The following DLGAP3 variants were observed in gnomAD, a reference collection of about 807,000 sequenced individuals.
The protein encoded by DLGAP3 is disks large-associated protein 3.
A neutral mutation model predicts 81.2 loss-of-function variants in DLGAP3; 17 were observed. That is an observed-to-expected ratio of 0.21 (90% CI 0.14 to 0.31). DLGAP3 has a LOEUF of 0.31. Ranked by LOEUF, DLGAP3 falls within the 10% of genes least tolerant of loss-of-function variation. DLGAP3 has a pLI of 1.00. For missense variants in DLGAP3, 1,124 were observed against 1,388.0 expected, an observed-to-expected ratio of 0.81 and a Z score of 3.02; for synonymous variants, 577 against 587.4, an observed-to-expected ratio of 0.98 and a Z score of 0.26.
At position 34,904,341 on chromosome 1, in the gene DLGAP3, C is replaced by A. The variant is rs763551042; in HGVS notation, c.1043G>T (p.Gly348Val). The A allele has an allele frequency of 2.7e-5, 43 of 1,611,816 alleles. No individual in the cohort carries two copies. In the South Asian group the frequency reaches 4.5e-4, roughly 17 times the overall value. The change falls in exon 3 of 12, where the codon GGG becomes GTG. Residue 348 changes from glycine (G) to valine (V), a missense_variant. By Grantham distance (109) the Gly-to-Val change is moderately radical. This residue lies in a region of DLGAP3 where 357 missense variants were observed against 408.8 expected (regional missense o/e 0.87). Coordinates refer to ENST00000373347, the MANE Select transcript of DLGAP3 (RefSeq NM_001080418.3). The surrounding 1 kb of genome is among the most constrained non-coding windows in gnomAD (Gnocchi z 8.1). ...CGGACCCAGGAGCCCCTTGCCTGGCCCGGCCCCCGGGTATCCATCCCGGCC... is the reference window on the plus strand; with the variant it reads ...CGGACCCAGGAGCCCCTTGCCTGGCACGGCCCCCGGGTATCCATCCCGGCC... ...SQGRDGYPGA[G>V]PGKGLLGPET...
chr1:34,888,316 C>G (rs899041172), intron 5 of DLGAP3, among the ~76,000 whole-genome samples: 17 of 152,232 alleles, frequency 1.1e-4, no homozygotes, highest in African/African-American at 4.1e-4. Context: ...CAAACAAGAC[C>G]CAGAGAGGGC....
chr1:34,878,475 A>C (rs1408710643), intron 8 of DLGAP3, among the ~76,000 whole-genome samples: 1 of 152,142 alleles, frequency 6.6e-6, no homozygotes, highest in African/African-American at 2.4e-5. Flanking sequence ...GCCATTAGTA[A>C]GGATGAAAAG....
At chr1:34,869,636 T>G (rs1265538752) in intron 8 of DLGAP3, among the ~76,000 whole-genome samples, 2 of 152,026 alleles carry the variant, frequency 1.3e-5, no homozygotes, top group Non-Finnish European at 2.9e-5. Flanking sequence ...ATTACAGGCA[T>G]GCGCCTTTTG....
rs569933754 is a variant in DLGAP3 at position 34,878,318 on chromosome 1, T to C, written c.2000+6660A>G. ...AAGACTCATCTCAAAAAAATAAAAA[T>C]AAAAATAAAAAAATAAGCAACACAT... On this transcript the variant is annotated intron_variant, in intron 8 of 11. Coordinates refer to ENST00000373347, the MANE Select transcript of DLGAP3 (RefSeq NM_001080418.3). 3.3e-5 allele frequency among the ~76,000 whole-genome samples: 5 copies of C among 150,704 alleles called. No individual in the cohort carries two copies. In the South Asian group the frequency reaches 8.4e-4, roughly 25 times the overall value.
intron 1 of DLGAP3, among the ~76,000 whole-genome samples, chr1:34,919,209 G>A (rs1222499492): frequency 6.6e-6 from 1 of 152,022 alleles, no homozygotes; most frequent in East Asian, 1.9e-4. Context: ...CTGGCCTCTC[G>A]ACCCAGCCCC....
chr1:34,884,632 A>T (rs1282807477), intron 8 of DLGAP3, among the ~76,000 whole-genome samples: 1 of 152,122 alleles, frequency 6.6e-6, no homozygotes, highest in Non-Finnish European at 1.5e-5. Context: ...GTAATGAGGG[A>T]TTGGCAGATC....
rs377200647 is a variant in DLGAP3 at position 34,904,669 on chromosome 1, C to A, written c.715G>T (p.Gly239Cys). Reference sequence around the variant, plus strand: ...CGGTCCTTGCTCTTGCTCCTCTTGCCGTGCCGGGACTGGTGGTGGTGGTGA... The same window carrying A: ...CGGTCCTTGCTCTTGCTCCTCTTGCAGTGCCGGGACTGGTGGTGGTGGTGA... ...HHHHHHQSRH[G>C]KRSKSKDRKG... Residue 239 changes from glycine to cysteine, a missense_variant, in exon 3 of 12, where the codon GGC becomes TGC. Physicochemically the swap from Gly to Cys is radical, Grantham distance 159. Around this residue, in one of 9 missense-constraint regions of DLGAP3, gnomAD observed 357 missense variants for 408.8 expected, o/e 0.87. Coordinates refer to ENST00000373347, the MANE Select transcript of DLGAP3 (RefSeq NM_001080418.3). The surrounding 1 kb of genome is among the most constrained non-coding windows in gnomAD (Gnocchi z 8.1). The A allele has an allele frequency of 2.5e-6, 4 of 1,614,008 alleles. No individual in the cohort carries two copies. The highest frequency in any genetic ancestry group is 2.5e-6 in the Non-Finnish European group (3 of 1,180,046).
In DLGAP3 at chr1:34,905,197, G is replaced by T; in HGVS notation, c.187C>A (p.Leu63Met). ...GLGHISPEGP[L>M]SLSEGPSVGP... ...ACCGACGGCCCCTCACTCAGGCTCAGGGGCCCTTCAGGAGAAATGTGTCCC... is the reference window on the plus strand; with the variant it reads ...ACCGACGGCCCCTCACTCAGGCTCATGGGCCCTTCAGGAGAAATGTGTCCC... The change falls in exon 3 of 12, where the codon CTG becomes ATG. Residue 63 changes from leucine to methionine, a missense_variant. Around this residue, in one of 9 missense-constraint regions of DLGAP3, gnomAD observed 167 missense variants for 172.1 expected, o/e 0.97. Transcript: ENST00000373347. 6.3e-7 allele frequency: 1 copy of T among 1,589,322 alleles called. No homozygotes were observed.
chr1:34,898,398 A>C (rs1639407222), intron 5 of DLGAP3, among the ~76,000 whole-genome samples: 1 of 152,240 alleles, frequency 6.6e-6, no homozygotes, highest in Non-Finnish European at 1.5e-5. Context: ...CAACTGTGTT[A>C]CATGTGGCTG....
intron 8 of DLGAP3, among the ~76,000 whole-genome samples, chr1:34,872,294 G>A (rs1638993136): frequency 6.6e-6 from 1 of 152,192 alleles, no homozygotes; most frequent in Non-Finnish European, 1.5e-5. Flanking sequence ...GGAAGCCACG[G>A]GTGATCCAAG....
intron 5 of DLGAP3, among the ~76,000 whole-genome samples, chr1:34,886,886 C>T (rs193196105): frequency 4.8e-5 from 7 of 146,838 alleles, no homozygotes; most frequent in Admixed American, 2.1e-4. Context: ...GAAACTAATG[C>T]GTAAGTGATG....
chr1:34,885,358 C>A, intron 7 of DLGAP3, 120 bp downstream of exon 7: 1 of 1,167,046 alleles, frequency 8.6e-7, no homozygotes, highest in Non-Finnish European at 1.2e-6. Flanking sequence ...ACGGGGTTCA[C>A]TTGCAGCTCA....
rs756456514 is a variant in DLGAP3, at chr1:34,904,270, GC to G, written c.1107+6del. ...GACTCTGTTCCCCAACCCCAAAAAA[GC>G]CTCACCTGCAGATAGTGATAAGTCC... On this transcript the variant is annotated splice_donor_region_variant and intron_variant, in intron 3 of 11. Transcript: ENST00000373347. The surrounding 1 kb of genome is among the most constrained non-coding windows in gnomAD (Gnocchi z 8.1). 2 of 1,602,078 alleles carry G rather than the reference GC, an allele frequency of 1.2e-6. No individual in the cohort carries two copies.
At chr1:34,871,076 C>T (rs1370730435) in intron 8 of DLGAP3, among the ~76,000 whole-genome samples, 1 of 152,194 alleles carries the variant, frequency 6.6e-6, no homozygotes, top group East Asian at 1.9e-4. Flanking sequence ...GATCTGGGGC[C>T]CTCCCCAGTC....
chr1:34,871,984 C>G (rs940300766), intron 8 of DLGAP3, among the ~76,000 whole-genome samples: 4 of 152,142 alleles, frequency 2.6e-5, no homozygotes, highest in Admixed American at 2.0e-4. Flanking sequence ...GTGTACAGCA[C>G]AAGCAGGAGG....
In DLGAP3 at chr1:34,891,248, A is replaced by G. The variant is rs1033911541; in HGVS notation, c.1387-4963T>C. Reference sequence around the variant, plus strand: ...TCTCGTTCACCAGGCTCCCAATGCTATCAGTTGCAATACTTCAACAAACGT... The same window carrying G: ...TCTCGTTCACCAGGCTCCCAATGCTGTCAGTTGCAATACTTCAACAAACGT... On this transcript the variant is annotated intron_variant, in intron 5 of 11. Transcript: ENST00000373347. Among the ~76,000 whole-genome samples the G allele has an allele frequency of 5.3e-5, 8 of 152,370 alleles. 1 individual carries two copies. The highest frequency in any genetic ancestry group is 2.0e-4 in the Admixed American group (3 of 15,308).
At position 34,885,679 on chromosome 1, in the gene DLGAP3, C is replaced by G. The variant is rs754557551; in HGVS notation, c.1713G>C (p.Ala571=). The change falls in exon 7 of 12, where the codon GCG becomes GCC. Residue 571 remains alanine (A), a synonymous_variant. Transcript: ENST00000373347. The stretch of plus-strand genomic sequence containing the variant: ...TGCAGCGCCGGGCGGGGCCCTCGGC[C>G]GCCGTGAAGCTCTCGTGCGCGGAGT... The part of the protein sequence containing the change: ...STDSAHESFT[A]AEGPARRCSS... 1.1e-5 allele frequency: 15 copies of G among 1,406,454 alleles called. No homozygotes were observed. The highest frequency in any genetic ancestry group is 1.4e-5 in the Non-Finnish European group (15 of 1,089,420). The allele number at this position is 1,406,454 out of a possible 1,614,324, so 87.1% of individuals were successfully genotyped here.
intron 2 of DLGAP3, among the ~76,000 whole-genome samples, chr1:34,905,786 T>A (rs1639541951): frequency 6.6e-6 from 1 of 151,894 alleles, no homozygotes; most frequent in Non-Finnish European, 1.5e-5. Context: ...GGAGGATCAC[T>A]TGAGCCCAGC....
chr1:34,914,433 G>A (rs1227781829), intron 1 of DLGAP3, among the ~76,000 whole-genome samples: 1 of 152,152 alleles, frequency 6.6e-6, no homozygotes, highest in Non-Finnish European at 1.5e-5. Context: ...TGAGAGAGAG[G>A]ACTTCTAGGA....
Sources: allele counts gnomAD v4.1 joint callset (sites outside exome capture counted in the v4.1 genomes callset), GRCh38; gene constraint gnomAD v4.1.1; regional missense constraint gnomAD v4.1.1; non-coding constraint Gnocchi (gnomAD v3.1); transcripts MANE v1.5; gene names NCBI Gene and HGNC (gene_info 2026-07-23, HGNC 2026-07-21).